The following FAM227B variants were observed in gnomAD, a reference collection of about 807,000 sequenced individuals.
The protein encoded by FAM227B is family with sequence similarity 227 member B, also known as protein FAM227B.
Under a neutral mutation model 73.8 loss-of-function variants are expected in FAM227B, and 88 were observed. That is an observed-to-expected ratio of 1.19 (90% CI 1.00 to 1.42). The LOEUF (loss-of-function observed/expected upper bound fraction) is 1.42, where lower values mean the gene tolerates loss of function less well. FAM227B is among the 40% of genes most tolerant of loss of function. The pLI is 0.00. For synonymous variants in FAM227B, 210 were observed against 190.5 expected, an observed-to-expected ratio of 1.10 and a Z score of -0.84; for missense variants, 632 against 590.9, an observed-to-expected ratio of 1.07 and a Z score of -0.72.
At chr15:49,385,880 G>A (rs2046854553) in intron 11 of FAM227B, among the ~76,000 whole-genome samples, 1 of 151,570 alleles carries the variant, frequency 6.6e-6, no homozygotes, top group South Asian at 2.1e-4. Context: ...AGACTTCAAA[G>A]CAACAACACT....
intron 9 of FAM227B, among the ~76,000 whole-genome samples, chr15:49,563,064 C>T (rs920436466): frequency 6.6e-6 from 1 of 152,008 alleles, no homozygotes. Flanking sequence ...TATCTCTCTT[C>T]ACTAATGATA....
At chr15:49,553,440 T>C (rs757177611) in intron 9 of FAM227B, among the ~76,000 whole-genome samples, 22 of 152,172 alleles carry the variant, frequency 1.4e-4, no homozygotes, top group Admixed American at 6.5e-5. Flanking sequence ...CTACTGTATA[T>C]GTTTGCTCAA....
intron 11 of FAM227B, among the ~76,000 whole-genome samples, chr15:49,416,183 C>T (rs1012741896): frequency 8.0e-6 from 1 of 125,522 alleles, no homozygotes; most frequent in Non-Finnish European, 1.6e-5. Context: ...TATGTTTGTT[C>T]TCTCACTGGA....
chr15:49,524,937 G>A (rs184274348), intron 10 of FAM227B, among the ~76,000 whole-genome samples: 1 of 152,184 alleles, frequency 6.6e-6, no homozygotes, highest in Non-Finnish European at 1.5e-5. Flanking sequence ...TACTCTAATT[G>A]TATCTAGGAA....
chr15:49,411,165 A>T (rs533513021), intron 11 of FAM227B, among the ~76,000 whole-genome samples: 2 of 152,120 alleles, frequency 1.3e-5, no homozygotes, highest in South Asian at 4.1e-4. Context: ...CCCCCAAAAA[A>T]TCCCCAAATC....
rs1185590356 is a variant in FAM227B at position 49,589,667 on chromosome 15, CT to C, written c.337+108del. 7.1e-6 allele frequency: 5 copies of C among 701,988 alleles called. No individual in the cohort carries two copies. In the East Asian group the frequency reaches 1.1e-4, roughly 15 times the overall value. 43.5% of individuals were successfully genotyped at this position (701,988 alleles called of 1,614,324 possible). The stretch of plus-strand genomic sequence containing the variant: ...CTGGCTTATGCCTGTAATTCCAACA[CT>C]TTTGGAGGGTGACTCAGGAGGATCA... On this transcript the variant is annotated intron_variant, in intron 4 of 15. Coordinates refer to ENST00000299338, the MANE Select transcript of FAM227B (RefSeq NM_152647.3).
chr15:49,371,273 A>C (rs746011176), intron 12 of FAM227B, 29 bp downstream of exon 12: 2 of 1,388,328 alleles, frequency 1.4e-6, no homozygotes, highest in Non-Finnish European at 1.0e-6. Context: ...ACAAGTAAGA[A>C]ATTTTTTCAT....
At chr15:49,505,102 C>G (rs190475224) in intron 11 of FAM227B, among the ~76,000 whole-genome samples, 21 of 152,172 alleles carry the variant, frequency 1.4e-4, no homozygotes, top group African/African-American at 4.8e-4. Flanking sequence ...CATGTAACAA[C>G]ATGAATGAAT....
chr15:49,598,820 C>A (rs1343015018), intron 3 of FAM227B, among the ~76,000 whole-genome samples: 1 of 151,966 alleles, frequency 6.6e-6, no homozygotes, highest in African/African-American at 2.4e-5. Context: ...GGTATATGAT[C>A]CTTTTAATGT....
At chr15:49,599,150 T>A (rs1424730484) in intron 3 of FAM227B, among the ~76,000 whole-genome samples, 2 of 152,082 alleles carry the variant, frequency 1.3e-5, no homozygotes, top group African/African-American at 4.8e-5. Context: ...GATTTTCTAT[T>A]TTTCATGATC....
chr15:49,492,882 A>C (rs1329599828), intron 11 of FAM227B, among the ~76,000 whole-genome samples: 1 of 151,922 alleles, frequency 6.6e-6, no homozygotes, highest in East Asian at 1.9e-4. Flanking sequence ...TGATGTATTA[A>C]ATAGCATGGT....
At chr15:49,364,919 T>C (rs975674830) in intron 13 of FAM227B, among the ~76,000 whole-genome samples, 3 of 152,182 alleles carry the variant, frequency 2.0e-5, no homozygotes, top group African/African-American at 4.8e-5. Context: ...CATATCCTTT[T>C]ATTTAATGTG....
In FAM227B at chr15:49,615,252, T is replaced by C. The variant is rs1598585801; in HGVS notation, c.-72-9A>G. On this transcript the variant is annotated splice_polypyrimidine_tract_variant and intron_variant, in intron 1 of 15. Coordinates refer to ENST00000299338, the MANE Select transcript of FAM227B (RefSeq NM_152647.3). ...TGAGTTGGGCGACCAAACTGGGGTA[T>C]GAAAGACACCCAAATGCAAAAATAA... 5 of 1,168,552 alleles carry C rather than the reference T, an allele frequency of 4.3e-6. No homozygotes were observed. The South Asian group carries it at 6.1e-5, about 14-fold the overall frequency. 72.4% of individuals were successfully genotyped at this position (1,168,552 alleles called of 1,614,324 possible).
intron 11 of FAM227B, among the ~76,000 whole-genome samples, chr15:49,403,755 T>A (rs753540090): frequency 9.9e-5 from 15 of 152,162 alleles, no homozygotes; most frequent in Non-Finnish European, 2.1e-4. Flanking sequence ...TGTCTTAATC[T>A]CCTTCAGTTT....
intron 8 of FAM227B, among the ~76,000 whole-genome samples, chr15:49,569,197 C>T (rs1344326476): frequency 6.6e-6 from 1 of 151,844 alleles, no homozygotes; most frequent in Non-Finnish European, 1.5e-5. Flanking sequence ...ATCCTTTCAA[C>T]CTCCATAAAA....
At chr15:49,424,653 T>C in intron 11 of FAM227B, 1 of 1,193,974 alleles carries the variant, frequency 8.4e-7, no homozygotes. Context: ...GGTGATATGT[T>C]TTCTCATCTT....
intron 12 of FAM227B, among the ~76,000 whole-genome samples, chr15:49,368,893 G>C (rs890528589): frequency 6.6e-6 from 1 of 152,168 alleles, no homozygotes; most frequent in Non-Finnish European, 1.5e-5. Flanking sequence ...GTTTTTAAGA[G>C]TACTTCAGCC....
At chr15:49,408,061 TATCCC>T (rs1362344993) in intron 11 of FAM227B, among the ~76,000 whole-genome samples, 1 of 152,250 alleles carries the variant, frequency 6.6e-6, no homozygotes. Context: ...TTTTGTTTTG[TATCCC>T]ACATTTCCTC....
intron 11 of FAM227B, among the ~76,000 whole-genome samples, chr15:49,503,053 C>A (rs1422986942): frequency 6.6e-6 from 1 of 151,976 alleles, no homozygotes; most frequent in Non-Finnish European, 1.5e-5. Context: ...ACCAAAACAG[C>A]ATGGTCCTGG....
Sources: gnomAD v4.1 joint callset for allele counts (sites outside exome capture counted in the v4.1 genomes callset) on GRCh38, gnomAD v4.1.1 for gene constraint, MANE v1.5 for transcripts, NCBI Gene and HGNC (gene_info 2026-07-23, HGNC 2026-07-21) for gene names.